The following CSMD2 variants were observed in gnomAD, a reference collection of about 807,000 sequenced individuals.
The protein encoded by CSMD2 is CUB and Sushi multiple domains 2.
CSMD2 carries 130 observed loss-of-function variants against 398.5 expected under a neutral mutation model. The ratio of observed to expected loss-of-function variants is 0.33; its 90% CI spans 0.28 to 0.38. The LOEUF (loss-of-function observed/expected upper bound fraction) is 0.38, where lower values mean the gene tolerates loss of function less well. Ranked by LOEUF, CSMD2 falls within the 10% of genes least tolerant of loss-of-function variation. The probability of loss-of-function intolerance (pLI) is 1.00; values close to 1 mark genes in which losing one functional copy is unlikely to be tolerated. For missense variants in CSMD2, 3,829 were observed against 4,764.9 expected (o/e 0.80, Z 5.78); for synonymous variants, 1,828 against 1,908.5 (o/e 0.96, Z 1.10).
chr1:33,970,940 A>C (rs1194978159), intron 3 of CSMD2, among the ~76,000 whole-genome samples: 1 of 152,178 alleles, frequency 6.6e-6, no homozygotes, highest in East Asian at 1.9e-4. Context: ...CAGTTTCCTC[A>C]TCAGTAAAAT....
rs952686537 is a variant in CSMD2, at chr1:33,844,719, C to T, written c.1033+2165G>A. On this transcript the variant is annotated intron_variant, in intron 6 of 70. Transcript: ENST00000373381. Reference sequence around the variant, plus strand: ...CTCGTTCCTCAACTGTAAAATGGGACGGGTAATAGTATCTCCTTCACGCAG... The same window carrying T: ...CTCGTTCCTCAACTGTAAAATGGGATGGGTAATAGTATCTCCTTCACGCAG... Among the ~76,000 whole-genome samples the T allele has an allele frequency of 2.0e-5, 3 of 152,160 alleles. 1 individual carries two copies. Among genetic ancestry groups the T allele is most frequent in the African/African-American group, 4.8e-5 (2 of 41,434 alleles).
chr1:34,154,638 C>A (rs992319568), intron 1 of CSMD2, among the ~76,000 whole-genome samples: 23 of 151,864 alleles, frequency 1.5e-4, no homozygotes, highest in Non-Finnish European at 2.2e-4. Flanking sequence ...AAGTAAGAAA[C>A]CAGATGAAAT....
chr1:33,672,652 G>A (rs1204277488), intron 25 of CSMD2, among the ~76,000 whole-genome samples: 2 of 152,246 alleles, frequency 1.3e-5, no homozygotes, highest in African/African-American at 4.8e-5. Context: ...CTGAGAATGG[G>A]CAGACTGCCG....
intron 15 of CSMD2, among the ~76,000 whole-genome samples, chr1:33,727,436 A>G (rs1434144046): frequency 6.6e-6 from 1 of 152,176 alleles, no homozygotes; most frequent in African/African-American, 2.4e-5. Flanking sequence ...TCTTCCTGCA[A>G]CCAGACCCTC....
chr1:33,644,481 C>T (rs1292072317), intron 29 of CSMD2, among the ~76,000 whole-genome samples: 5 of 152,096 alleles, frequency 3.3e-5, no homozygotes, highest in African/African-American at 1.2e-4. Flanking sequence ...GGAGGCAGCT[C>T]TGGTGGTTGC....
At chr1:33,885,309 C>T (rs1641514854) in intron 5 of CSMD2, 1 of 152,146 alleles carries the variant, frequency 6.6e-6, no homozygotes, top group Non-Finnish European at 1.5e-5. Context: ...CCTTAAGATA[C>T]ACTATTCTCA....
chr1:34,052,045 G>A (rs900982721), intron 2 of CSMD2, among the ~76,000 whole-genome samples: 17 of 151,926 alleles, frequency 1.1e-4, no homozygotes, highest in Admixed American at 6.6e-5. Flanking sequence ...GTCTTCTCTC[G>A]TCTTCTGATG....
chr1:34,150,323 A>G (rs994224884), intron 1 of CSMD2, among the ~76,000 whole-genome samples: 1 of 152,080 alleles, frequency 6.6e-6, no homozygotes, highest in African/African-American at 2.4e-5. Flanking sequence ...GGCCTCAAGC[A>G]AGTCTCCCAC....
intron 70 of CSMD2, among the ~76,000 whole-genome samples, chr1:33,517,566 C>T (rs572265503): frequency 5.3e-5 from 8 of 152,270 alleles, no homozygotes; most frequent in African/African-American, 1.9e-4. Flanking sequence ...CTTTTGCCTT[C>T]TATTGATAAG....
intron 12 of CSMD2, among the ~76,000 whole-genome samples, chr1:33,782,295 A>G (rs478205): frequency 0.85 from 129,864 of 152,094 alleles, 55,833 homozygotes; most frequent in Middle Eastern, 0.94. Flanking sequence ...CTGAAGCTTC[A>G]GGTAATGATG....
Position 34,094,440 on chromosome 1 carries a change from T to C in CSMD2, c.188-5247A>G, listed in dbSNP as rs1164495612. Among the ~76,000 whole-genome samples the C allele has an allele frequency of 6.6e-5, 10 of 151,794 alleles. No individual in the cohort carries two copies. In the South Asian group the frequency reaches 2.1e-3, roughly 32 times the overall value. ...CTTTAAATGTAAATGGACTAAATGC[T>C]CCAATTAAAAGACACAGACTGGCAA... is the stretch of plus-strand genomic sequence containing the variant. On this transcript the variant is annotated intron_variant, in intron 1 of 70. Coordinates refer to ENST00000373381, the MANE Select transcript of CSMD2 (RefSeq NM_001281956.2).
At chr1:34,030,275 CA>C (rs1650244397) in intron 3 of CSMD2, among the ~76,000 whole-genome samples, 1 of 152,076 alleles carries the variant, frequency 6.6e-6, no homozygotes, top group South Asian at 2.1e-4. Flanking sequence ...AGCTGCAGAC[CA>C]GGGGTAAGTA....
chr1:34,011,573 C>T (rs1220811715), intron 3 of CSMD2, among the ~76,000 whole-genome samples: 1 of 151,828 alleles, frequency 6.6e-6, no homozygotes, highest in Non-Finnish European at 1.5e-5. Context: ...TAAGTGTATT[C>T]TTTTTTTTAA....
chr1:33,613,812 G>T (rs1213356638), intron 40 of CSMD2, among the ~76,000 whole-genome samples: 1 of 152,146 alleles, frequency 6.6e-6, no homozygotes, highest in Non-Finnish European at 1.5e-5. Context: ...CCCTTCAACA[G>T]AGACATTTGG....
intron 2 of CSMD2, among the ~76,000 whole-genome samples, chr1:34,039,671 A>G (rs907043506): frequency 6.6e-6 from 1 of 152,184 alleles, no homozygotes; most frequent in Non-Finnish European, 1.5e-5. Context: ...AAATGTGGGC[A>G]AGAGCCTTTA....
intron 2 of CSMD2, among the ~76,000 whole-genome samples, chr1:34,046,278 CAATT>C (rs1652507032): frequency 6.6e-6 from 1 of 152,194 alleles, no homozygotes; most frequent in Non-Finnish European, 1.5e-5. Context: ...CATTAGCAAT[CAATT>C]GTTATTTAAC....
intron 4 of CSMD2, among the ~76,000 whole-genome samples, chr1:33,924,404 T>C (rs1463689633): frequency 6.6e-6 from 1 of 152,198 alleles, no homozygotes; most frequent in African/African-American, 2.4e-5. Flanking sequence ...CACACATATA[T>C]ATTACATATA....
At chr1:33,603,750 A>G (rs576525541) in intron 42 of CSMD2, among the ~76,000 whole-genome samples, 2 of 152,302 alleles carry the variant, frequency 1.3e-5, no homozygotes, top group East Asian at 3.9e-4. Context: ...GGAGCCCTGC[A>G]TCTGGTTTTG....
chr1:33,916,935 CT>C (rs1293204145), intron 5 of CSMD2, among the ~76,000 whole-genome samples: 2 of 152,114 alleles, frequency 1.3e-5, no homozygotes, highest in African/African-American at 4.8e-5. Flanking sequence ...CATTCCCCTC[CT>C]TTTCTCCTCT....
Sources: gnomAD v4.1 joint callset for allele counts (sites outside exome capture counted in the v4.1 genomes callset) on GRCh38, gnomAD v4.1.1 for gene constraint, MANE v1.5 for transcripts, NCBI Gene and HGNC (gene_info 2026-07-23, HGNC 2026-07-21) for gene names.